The following ABHD10 variants were observed in gnomAD, a reference collection of about 807,000 sequenced individuals.
The protein encoded by ABHD10 is palmitoyl-protein thioesterase ABHD10, mitochondrial.
A neutral mutation model predicts 33.1 loss-of-function variants in ABHD10; 22 were observed. That is an observed-to-expected ratio of 0.66 (90% CI 0.47 to 0.95). The LOEUF is 0.95. Ranked by LOEUF, ABHD10 falls within the 40% of genes least tolerant of loss-of-function variation. The pLI, the probability that ABHD10 is intolerant of heterozygous loss-of-function variation, is 0.00. For synonymous variants in ABHD10, 146 were observed against 133.9 expected, an observed-to-expected ratio of 1.09 and a Z score of -0.62; for missense variants, 352 against 379.9, an observed-to-expected ratio of 0.93 and a Z score of 0.61.
In ABHD10 at chr3:111,982,136, G is replaced by A. The variant is rs1427393895; in HGVS notation, c.326+169G>A. ...GTAATTTTAAAAGCAACCTTTAAAA[G>A]ACCTTTTTTAAAGGCCTTTGTGCCA... On this transcript the variant is annotated intron_variant, in intron 2 of 4. Coordinates refer to ENST00000273359, the MANE Select transcript of ABHD10 (RefSeq NM_018394.4). 5 of 564,006 alleles carry A rather than the reference G, an allele frequency of 8.9e-6. No individual in the cohort carries two copies. The East Asian group carries it at 1.0e-4, about 11-fold the overall frequency. 34.9% of individuals were successfully genotyped at this position (564,006 alleles called of 1,614,324 possible). A position where few individuals can be genotyped will look rare whatever the true frequency, so the allele number is the denominator to read the frequency against.
intron 2 of ABHD10, among the ~76,000 whole-genome samples, chr3:111,982,586 AAAG>A (rs2072600510): frequency 6.6e-6 from 1 of 152,262 alleles, no homozygotes; most frequent in Non-Finnish European, 1.5e-5. Flanking sequence ...GATTTCGTAA[AAAG>A]AAGATTAGCC....
intron 4 of ABHD10, among the ~76,000 whole-genome samples, chr3:111,990,520 A>C (rs1186435564): frequency 6.6e-6 from 1 of 151,928 alleles, no homozygotes; most frequent in Non-Finnish European, 1.5e-5. Flanking sequence ...ACAAAATTCT[A>C]ATTTTTTTAG....
chr3:111,986,657 G>T (rs962849095), intron 3 of ABHD10, among the ~76,000 whole-genome samples: 1 of 152,016 alleles, frequency 6.6e-6, no homozygotes, highest in African/African-American at 2.4e-5. Flanking sequence ...GGATGGTCTC[G>T]ATCTCCTGAC....
chr3:111,989,821 A>G (rs2072719777), intron 4 of ABHD10, among the ~76,000 whole-genome samples: 1 of 151,986 alleles, frequency 6.6e-6, no homozygotes, highest in Non-Finnish European at 1.5e-5. Context: ...TTTTTACTGA[A>G]TTATTAAGTC....
chr3:111,990,266 C>T (rs2072723611), intron 4 of ABHD10, among the ~76,000 whole-genome samples: 1 of 151,968 alleles, frequency 6.6e-6, no homozygotes, highest in East Asian at 1.9e-4. Context: ...CATTTAAAAC[C>T]TTTTCATAGA....
rs1256527018 is a variant in ABHD10 at position 111,992,447 on chromosome 3, A to G, written c.*726A>G. ...AATTAAAGAGGAAATTAATCTTTAT[A>G]TATTATTTCTTGCAGAAACATTCAT... On this transcript the variant is annotated 3_prime_UTR_variant, in exon 5 of 5. Coordinates refer to ENST00000273359, the MANE Select transcript of ABHD10 (RefSeq NM_018394.4). 1 of 150,578 alleles carries G rather than the reference A, an allele frequency of 6.6e-6. No homozygotes were observed. Among genetic ancestry groups the G allele is most frequent in the African/African-American group, 2.5e-5 (1 of 40,132 alleles). 9.3% of individuals were successfully genotyped at this position (150,578 alleles called of 1,614,324 possible). A position where few individuals can be genotyped will look rare whatever the true frequency, so the allele number is the denominator to read the frequency against.
chr3:111,985,310 A>T (rs900943497), intron 2 of ABHD10, among the ~76,000 whole-genome samples: 1 of 152,162 alleles, frequency 6.6e-6, no homozygotes, highest in African/African-American at 2.4e-5. Context: ...TGATACCCTT[A>T]AGGAGAGGTA....
rs552504443 is a variant in ABHD10, at chr3:111,991,681, T to C, written c.881T>C (p.Ile294Thr). 10 of 1,613,964 alleles carry C rather than the reference T, an allele frequency of 6.2e-6. No individual in the cohort carries two copies. In the South Asian group the frequency reaches 1.1e-4, roughly 18 times the overall value. ...GACATTCAACTTCTTGTTTACACTA[T>C]TGATGACTTAATTGATAAGCTCTCA... Reference protein sequence around the residue: ...KADIQLLVYTIDDLIDKLSTI... With the variant: ...KADIQLLVYTTDDLIDKLSTI... Residue 294 changes from isoleucine (I) to threonine (T), a missense_variant, in exon 5 of 5, where the codon ATT (isoleucine) becomes ACT (threonine). By Grantham distance (89) the Ile-to-Thr change is moderately conservative. Transcript: ENST00000273359.
intron 2 of ABHD10, among the ~76,000 whole-genome samples, chr3:111,983,416 C>G (rs1480729739): frequency 6.6e-6 from 1 of 152,142 alleles, no homozygotes; most frequent in African/African-American, 2.4e-5. Flanking sequence ...TAACCAGTTC[C>G]TGTCTCCCTA....
chr3:111,981,311 C>CAAAAAAAAAAA (rs11301143), intron 1 of ABHD10, among the ~76,000 whole-genome samples: 24 of 91,174 alleles, frequency 2.6e-4, no homozygotes, highest in South Asian at 4.1e-4. Context: ...GACCCTGTCT[C>CAAAAAAAAAAA]AAAAAAAAAA....
At chr3:111,986,190 G>C in intron 2 of ABHD10, 74 bp from the exon 3 acceptor site, 1 of 777,452 alleles carries the variant, frequency 1.3e-6, no homozygotes, top group South Asian at 1.7e-5. Context: ...AATGAGGAAG[G>C]TGCTATCTTT....
Position 111,979,277 on chromosome 3 carries a change from C to T in ABHD10, c.142+74C>T, listed in dbSNP as rs6776187. On this transcript the variant is annotated intron_variant, in intron 1 of 4. Transcript: ENST00000273359. The stretch of plus-strand genomic sequence containing the variant: ...GGTTCCGTCAGTTACCGTGCCTGTG[C>T]AGTGCGTCTTTGGCGCCCGGTTCAA... 79 of 1,481,732 alleles carry T rather than the reference C, an allele frequency of 5.3e-5. No homozygotes were observed. The African/African-American group carries it at 9.6e-4, about 18-fold the overall frequency. 91.8% of individuals were successfully genotyped at this position (1,481,732 alleles called of 1,614,324 possible). A position where few individuals can be genotyped will look rare whatever the true frequency, so the allele number is the denominator to read the frequency against.
chr3:111,990,762 G>C, intron 4 of ABHD10: 1 of 1,301,604 alleles, frequency 7.7e-7, no homozygotes, highest in South Asian at 1.8e-5. Context: ...GTATGTGTAT[G>C]ATTGTTACAA....
At chr3:111,987,102 C>A (rs777947306) in intron 4 of ABHD10, 51 bp downstream of exon 4, 3 of 1,574,410 alleles carry the variant, frequency 1.9e-6, no homozygotes, top group Non-Finnish European at 2.6e-6. Context: ...GCTTATACTT[C>A]TTCTGCTCCC....
chr3:111,979,112 C>G lies in ABHD10; in HGVS notation c.51C>G (p.Ser17Arg). The G allele has an allele frequency of 1.2e-6, 2 of 1,613,424 alleles. No homozygotes were observed. The highest frequency in any genetic ancestry group is 1.7e-6 in the Non-Finnish European group (2 of 1,179,870). Residue 17 changes from serine (S) to arginine (R), a missense_variant, in exon 1 of 5, where the codon AGC (serine) becomes AGG (arginine). Transcript: ENST00000273359. ...TGGCGGCCTGGGTACCTTGTCGGAG[C>G]TGGGGCTGGGCAGCCGTCCCCTTCG... ...AAVAAWVPCRSWGWAAVPFGP... is the reference protein window; with the variant it reads ...AAVAAWVPCRRWGWAAVPFGP...
chr3:111,987,674 G>A (rs1416661430), intron 4 of ABHD10, among the ~76,000 whole-genome samples: 1 of 152,150 alleles, frequency 6.6e-6, no homozygotes, highest in Admixed American at 6.5e-5. Context: ...ATCGTTTAGG[G>A]AATACGGACA....
chr3:111,986,428 G>GT, intron 3 of ABHD10, 53 bp downstream of exon 3: 3 of 1,018,750 alleles, frequency 2.9e-6, no homozygotes, highest in African/African-American at 1.7e-5. Context: ...TATTTAAGCT[G>GT]TTTGTTTTGT....
At chr3:111,990,645 T>C (rs142176165) in intron 4 of ABHD10, 22 of 743,168 alleles carry the variant, frequency 3.0e-5, no homozygotes, top group Non-Finnish European at 4.3e-5. Flanking sequence ...TCAGGAAGTA[T>C]GTGGAAGACT....
chr3:111,988,849 C>T (rs2072706197), intron 4 of ABHD10, among the ~76,000 whole-genome samples: 2 of 152,154 alleles, frequency 1.3e-5, no homozygotes, highest in African/African-American at 2.4e-5. Flanking sequence ...CTTGGACCCC[C>T]AAAGTGCTGA....
Sources: allele counts gnomAD v4.1 joint callset (sites outside exome capture counted in the v4.1 genomes callset), GRCh38; gene constraint gnomAD v4.1.1; transcripts MANE v1.5; gene names NCBI Gene and HGNC (gene_info 2026-07-23, HGNC 2026-07-21).